Variants in STPG2 observed in about 807,000 individuals in gnomAD.
The protein encoded by STPG2 is sperm tail PG-rich repeat containing 2.
In STPG2, 56 loss-of-function variants were observed where a neutral mutation model predicts 54.2. The observed-to-expected ratio is 1.03, with a 90% confidence interval of 0.83 to 1.29. STPG2 has a LOEUF of 1.29. Ranked by LOEUF, STPG2 falls within the 50% of genes most tolerant of loss-of-function variation. STPG2 has a pLI of 0.00. For missense variants in STPG2, 596 were observed against 544.9 expected, an observed-to-expected ratio of 1.09 and a Z score of -0.93; for synonymous variants, 200 against 181.8, an observed-to-expected ratio of 1.10 and a Z score of -0.81.
chr4:97,878,777 T>C (rs1410582429), intron 8 of STPG2, among the ~76,000 whole-genome samples: 1 of 152,216 alleles, frequency 6.6e-6, no homozygotes. Flanking sequence ...AACATTTGGC[T>C]CCTTATTACT....
chr4:97,629,208 T>C (rs1465772970), intron 10 of STPG2, among the ~76,000 whole-genome samples: 2 of 152,016 alleles, frequency 1.3e-5, no homozygotes, highest in African/African-American at 4.8e-5. Flanking sequence ...ATATCATATG[T>C]TGTTGAAAGA....
intron 4 of STPG2, among the ~76,000 whole-genome samples, chr4:97,536,015 GAGTGC>G (rs1311485821): frequency 6.6e-6 from 1 of 152,142 alleles, no homozygotes; most frequent in Non-Finnish European, 1.5e-5. Context: ...TCTCAGGCCA[GAGTGC>G]AGTGGTTTTC....
chr4:97,514,068 T>C (rs1426264718), intron 4 of STPG2, among the ~76,000 whole-genome samples: 7 of 152,136 alleles, frequency 4.6e-5, no homozygotes, highest in African/African-American at 1.2e-4. Flanking sequence ...CACTGAGTGG[T>C]AGAAGACAGA....
intron 4 of STPG2, among the ~76,000 whole-genome samples, chr4:97,471,258 T>C (rs1729920607): frequency 6.6e-6 from 1 of 152,176 alleles, no homozygotes; most frequent in Non-Finnish European, 1.5e-5. Context: ...GGTGGGGAGC[T>C]ACTGTACTTG....
chr4:97,994,958 C>T (rs2149271767), intron 5 of STPG2, among the ~76,000 whole-genome samples: 1 of 152,160 alleles, frequency 6.6e-6, no homozygotes, highest in Admixed American at 6.5e-5. Context: ...TCAGCCTCTC[C>T]TTGGGTAGGA....
chr4:97,762,787 T>C (rs1725926210), intron 9 of STPG2, among the ~76,000 whole-genome samples: 1 of 152,202 alleles, frequency 6.6e-6, no homozygotes, highest in Non-Finnish European at 1.5e-5. Flanking sequence ...CCTGAGATAT[T>C]ACTATCAGAT....
intron 4 of STPG2, among the ~76,000 whole-genome samples, chr4:97,537,319 A>G (rs1731558837): frequency 6.6e-6 from 1 of 152,166 alleles, no homozygotes; most frequent in South Asian, 2.1e-4. Context: ...GACAGATGGC[A>G]CCTGGAAAAT....
intron 9 of STPG2, among the ~76,000 whole-genome samples, chr4:97,827,425 CG>C (rs1427792951): frequency 6.6e-6 from 1 of 151,770 alleles, no homozygotes; most frequent in Non-Finnish European, 1.5e-5. Context: ...TTAGTAGAGA[CG>C]GGGCTTCACC....
At chr4:97,909,006 A>T (rs1731567527) in intron 8 of STPG2, among the ~76,000 whole-genome samples, 1 of 117,832 alleles carries the variant, frequency 8.5e-6, no homozygotes, top group African/African-American at 3.4e-5. Context: ...CCTAAAACTT[A>T]AAGTATAATA....
intron 8 of STPG2, among the ~76,000 whole-genome samples, chr4:97,862,163 G>C (rs2149142256): frequency 6.6e-6 from 1 of 151,956 alleles, no homozygotes; most frequent in South Asian, 2.1e-4. Flanking sequence ...TCAGTGTGCT[G>C]TATTCAGGAA....
chr4:97,653,617 A>G lies in STPG2; in HGVS notation c.1320+59082T>C, dbSNP rs890176728. On this transcript the variant is annotated intron_variant, in intron 10 of 10. Transcript: ENST00000295268. ...ATGCAAAAATTCCCTCCAAGAAAAC[A>G]CTACTTTTGAAAAAGGACAAACTAG... Among the ~76,000 whole-genome samples, 4 of 152,138 alleles carry G rather than the reference A, an allele frequency of 2.6e-5. No homozygotes were observed. In the East Asian group the frequency reaches 5.8e-4, roughly 22 times the overall value.
At chr4:97,498,650 A>T (rs1730660465) in intron 4 of STPG2, among the ~76,000 whole-genome samples, 1 of 151,904 alleles carries the variant, frequency 6.6e-6, no homozygotes, top group African/African-American at 2.4e-5. Context: ...AATCTGCAAC[A>T]AATAGTTGCA....
chr4:97,496,632 T>C lies in STPG2; in HGVS notation c.462+216067A>G, dbSNP rs114390920. ...ATCTTCCTGTTGGAAAATCATAACG[T>C]GTACCCCCTATGTTTGTGTAGGCAT... On this transcript the variant is annotated intron_variant, in intron 4 of 4. Transcript: ENST00000522676. Among the ~76,000 whole-genome samples the C allele has an allele frequency of 6.1e-3, 927 of 151,896 alleles. 5 individuals carry two copies. The highest frequency in any genetic ancestry group is 0.02 in the South Asian group (96 of 4,826).
At chr4:97,594,704 T>C (rs1451940127) in intron 10 of STPG2, among the ~76,000 whole-genome samples, 3 of 151,996 alleles carry the variant, frequency 2.0e-5, no homozygotes, top group Admixed American at 1.3e-4. Flanking sequence ...TCTCCAAGAA[T>C]GAAATTAAAG....
At chr4:97,488,241 T>A (rs1466485678) in intron 4 of STPG2, among the ~76,000 whole-genome samples, 1 of 151,680 alleles carries the variant, frequency 6.6e-6, no homozygotes, top group Non-Finnish European at 1.5e-5. Context: ...AAAAATCAAG[T>A]AATGAATGTA....
chr4:97,540,614 C>G (rs1578373919), intron 4 of STPG2, among the ~76,000 whole-genome samples: 1 of 145,692 alleles, frequency 6.9e-6, no homozygotes, highest in African/African-American at 2.5e-5. Context: ...AATCCTCCCT[C>G]TTTTATGAGG....
intron 5 of STPG2, among the ~76,000 whole-genome samples, chr4:98,034,789 C>T (rs1204686586): frequency 6.6e-5 from 10 of 152,010 alleles, no homozygotes; most frequent in Admixed American, 2.6e-4. Context: ...TCAGAAATAA[C>T]ACCACACATC....
At chr4:97,721,939 G>A (rs1309789646) in intron 9 of STPG2, among the ~76,000 whole-genome samples, 1 of 151,844 alleles carries the variant, frequency 6.6e-6, no homozygotes, top group Non-Finnish European at 1.5e-5. Context: ...TTTAATAGAG[G>A]TCACAACCTT....
chr4:97,777,818 G>T (rs144052643), intron 9 of STPG2, among the ~76,000 whole-genome samples: 14 of 152,286 alleles, frequency 9.2e-5, no homozygotes, highest in Non-Finnish European at 1.5e-4. Context: ...TTCATTCATA[G>T]TGGATTAACC....
Sources: gnomAD v4.1 joint callset for allele counts (sites outside exome capture counted in the v4.1 genomes callset) on GRCh38, gnomAD v4.1.1 for gene constraint, MANE v1.5 for transcripts, NCBI Gene and HGNC (gene_info 2026-07-23, HGNC 2026-07-21) for gene names.